Variants in GSE1 observed in about 807,000 individuals in gnomAD.
The protein encoded by GSE1 is genetic suppressor element 1.
In GSE1, 32 loss-of-function variants were observed where a neutral mutation model predicts 112.6. The observed-to-expected ratio is 0.28, with a 90% CI of 0.21 to 0.38. The LOEUF (loss-of-function observed/expected upper bound fraction) is 0.38. GSE1 is among the 10% of genes least tolerant of loss of function. The pLI, the probability that GSE1 is intolerant of heterozygous loss-of-function variation, is 1.00. For missense variants in GSE1, 2,348 were observed against 1,699.2 expected, an observed-to-expected ratio of 1.38 and a Z score of -6.71; for synonymous variants, 1,115 against 735.6, an observed-to-expected ratio of 1.52 and a Z score of -8.35.
In GSE1 at chr16:85,613,478, T is replaced by A. The variant is rs2048136729; in HGVS notation, c.7+80T>A. The A allele has an allele frequency of 2.3e-6, 3 of 1,311,448 alleles. No homozygotes were observed. The Admixed American group carries it at 8.1e-5, about 36-fold the overall frequency. 81.2% of individuals were successfully genotyped at this position (1,311,448 alleles called of 1,614,324 possible). The stretch of plus-strand genomic sequence containing the variant: ...CTGTCCTCCTGCAAGTTCGCGGGTT[T>A]CGCGGGGGCGGCCGCCAACGGCTCC... On this transcript the variant is annotated intron_variant, in intron 1 of 15. Transcript: ENST00000253458.
chr16:85,532,289 C>T (rs1031029648), intron 2 of GSE1, among the ~76,000 whole-genome samples: 1 of 152,172 alleles, frequency 6.6e-6, no homozygotes, highest in Non-Finnish European at 1.5e-5. Context: ...AAGACAGAGT[C>T]TTGCTCTGTT....
chr16:85,546,583 G>A (rs2044710111), intron 2 of GSE1, among the ~76,000 whole-genome samples: 1 of 152,246 alleles, frequency 6.6e-6, no homozygotes, highest in African/African-American at 2.4e-5. Flanking sequence ...GCTGGCTTCA[G>A]TATCTGTACT....
At chr16:85,244,104 C>A (rs867061386) in intron 1 of GSE1, among the ~76,000 whole-genome samples, 1 of 152,082 alleles carries the variant, frequency 6.6e-6, no homozygotes, top group Non-Finnish European at 1.5e-5. Context: ...CCAGCTTGGG[C>A]AACAAGAGCA....
At chr16:85,538,423 G>A (rs964789038) in intron 2 of GSE1, among the ~76,000 whole-genome samples, 1 of 152,192 alleles carries the variant, frequency 6.6e-6, no homozygotes, top group African/African-American at 2.4e-5. Flanking sequence ...TTACAAGTGT[G>A]GGGGTACTGG....
exon 1 of GSE1, chr16:85,170,106 C>G: frequency 1.0e-6 from 1 of 985,220 alleles, no homozygotes; most frequent in Non-Finnish European, 1.2e-6. Flanking sequence ...ACGCCGCCAG[C>G]CCCCACCAGG....
chr16:85,474,650 GC>G lies in GSE1; in HGVS notation c.2464+117014del, dbSNP rs373529096. 3.2e-5 allele frequency among the ~76,000 whole-genome samples: 3 copies of G among 94,446 alleles called. No homozygotes were observed. In the East Asian group the frequency reaches 8.6e-4, roughly 27 times the overall value. The allele number at this position is 94,446 out of a possible 152,430, so 62.0% of individuals were successfully genotyped here. On this transcript the variant is annotated intron_variant, in intron 2 of 2. Coordinates refer to the GSE1 transcript ENST00000637419. ...ACCACCTCCCTCTCTCTTTCCTCTTGCCCCCCCTCTTCCCCCTCCTCTCCTT... is the reference window on the plus strand; with the variant it reads ...ACCACCTCCCTCTCTCTTTCCTCTTGCCCCCCTCTTCCCCCTCCTCTCCTT...
At chr16:85,244,352 G>A (rs1056044239) in intron 1 of GSE1, among the ~76,000 whole-genome samples, 3 of 152,132 alleles carry the variant, frequency 2.0e-5, no homozygotes, top group Admixed American at 1.3e-4. Flanking sequence ...CTAGAAGCTG[G>A]AAAAGAAACG....
intron 1 of GSE1, among the ~76,000 whole-genome samples, chr16:85,271,322 C>T (rs761578238): frequency 8.5e-5 from 13 of 152,198 alleles, no homozygotes; most frequent in Non-Finnish European, 1.2e-4. Flanking sequence ...CTCTTCCCCG[C>T]GCTCCTGCCT....
chr16:85,382,885 TGC>T (rs1491569741), intron 2 of GSE1, among the ~76,000 whole-genome samples: 1 of 148,132 alleles, frequency 6.8e-6, no homozygotes, highest in Non-Finnish European at 1.5e-5. Context: ...ACACACACCG[TGC>T]ACACACACGC....
intron 1 of GSE1, chr16:85,306,239 CCT>C (rs1311242364): frequency 6.5e-6 from 1 of 154,222 alleles, no homozygotes; most frequent in East Asian, 1.9e-4. Context: ...TGGCTGTGCT[CCT>C]AGCCAGCCTC....
At chr16:85,279,872 C>T (rs935336754) in intron 1 of GSE1, among the ~76,000 whole-genome samples, 2 of 152,174 alleles carry the variant, frequency 1.3e-5, no homozygotes, top group South Asian at 2.1e-4. Flanking sequence ...GTGGAAGGAA[C>T]GCCATCTCAG....
At chr16:85,196,524 G>A (rs541102934) in intron 1 of GSE1, among the ~76,000 whole-genome samples, 5 of 152,240 alleles carry the variant, frequency 3.3e-5, no homozygotes, top group Non-Finnish European at 5.9e-5. Context: ...CCTCAGTGTG[G>A]CTGGTACTGG....
intron 1 of GSE1, among the ~76,000 whole-genome samples, chr16:85,605,483 C>G (rs1167429203): frequency 6.6e-6 from 1 of 152,090 alleles, no homozygotes; most frequent in African/African-American, 2.4e-5. Context: ...CTTCTGAGCT[C>G]CAGCTTCGTC....
At chr16:85,211,537 C>T (rs906743259) in intron 1 of GSE1, among the ~76,000 whole-genome samples, 3 of 152,290 alleles carry the variant, frequency 2.0e-5, no homozygotes, top group Middle Eastern at 3.4e-3. Context: ...TACGGCGAGG[C>T]GGCACCTTCG....
At chr16:85,392,213 C>A (rs1006770838) in intron 2 of GSE1, among the ~76,000 whole-genome samples, 7 of 152,190 alleles carry the variant, frequency 4.6e-5, no homozygotes, top group African/African-American at 1.7e-4. Context: ...CTGGCACACA[C>A]AGCATTGATT....
intron 2 of GSE1, among the ~76,000 whole-genome samples, chr16:85,384,627 C>T (rs1271570327): frequency 1.3e-5 from 2 of 152,172 alleles, no homozygotes; most frequent in South Asian, 2.1e-4. Flanking sequence ...CCTGTGCAGG[C>T]GGTGGCTCAG....
intron 10 of GSE1, 55 bp downstream of exon 10, chr16:85,663,148 G>A (rs2052569472): frequency 8.3e-6 from 11 of 1,327,192 alleles, no homozygotes; most frequent in South Asian, 7.0e-5. Context: ...CGTTCCTAGC[G>A]TCCACACCCT....
intron 1 of GSE1, among the ~76,000 whole-genome samples, chr16:85,334,456 G>A (rs1597418510): frequency 6.6e-6 from 1 of 152,204 alleles, no homozygotes; most frequent in East Asian, 1.9e-4. Flanking sequence ...CTCCAGCCAT[G>A]ATGAGCTCTC....
chr16:85,638,672 C>T (rs1372832949), intron 2 of GSE1, among the ~76,000 whole-genome samples: 1 of 147,102 alleles, frequency 6.8e-6, no homozygotes, highest in Non-Finnish European at 1.5e-5. Context: ...CTTCCCTGCC[C>T]CCCACCCTAA....
Sources: allele counts gnomAD v4.1 joint callset (sites outside exome capture counted in the v4.1 genomes callset), GRCh38; gene constraint gnomAD v4.1.1; transcripts MANE v1.5; gene names NCBI Gene and HGNC (gene_info 2026-07-23, HGNC 2026-07-21).